MSI2: variants seen among roughly 807,000 people sequenced by gnomAD.
The protein encoded by MSI2 is musashi RNA binding protein 2.
A neutral mutation model predicts 45.6 loss-of-function variants in MSI2; 17 were observed. The observed-to-expected ratio is 0.37, with a 90% CI of 0.26 to 0.56. The LOEUF is 0.56. Ranked by LOEUF, MSI2 falls within the 20% of genes least tolerant of loss-of-function variation. MSI2 has a pLI of 0.77. For missense variants in MSI2, 293 were observed against 444.2 expected (o/e 0.66, Z 3.06); for synonymous variants, 156 against 158.2 (o/e 0.99, Z 0.11).
intron 7 of MSI2, among the ~76,000 whole-genome samples, chr17:57,530,690 C>A (rs1047079088): frequency 6.6e-6 from 1 of 152,118 alleles, no homozygotes; most frequent in African/African-American, 2.4e-5. Context: ...TTAGATGTTT[C>A]CTGTGTTGTT....
chr17:57,377,216 G>A (rs544259821), intron 5 of MSI2, among the ~76,000 whole-genome samples: 38 of 152,268 alleles, frequency 2.5e-4, no homozygotes, highest in Non-Finnish European at 4.9e-4. Context: ...CACCGTGCCC[G>A]GCCCACAAAT....
intron 5 of MSI2, among the ~76,000 whole-genome samples, chr17:57,317,966 T>A (rs577499137): frequency 6.6e-6 from 1 of 152,006 alleles, no homozygotes; most frequent in Non-Finnish European, 1.5e-5. Context: ...CTGGCCAACA[T>A]GGTGAAACCC....
intron 5 of MSI2, among the ~76,000 whole-genome samples, chr17:57,329,562 CTG>C (rs1201971579): frequency 6.6e-6 from 1 of 152,100 alleles, no homozygotes; most frequent in Non-Finnish European, 1.5e-5. Flanking sequence ...TAGGATGTAA[CTG>C]TGGGTGTTTG....
intron 5 of MSI2, among the ~76,000 whole-genome samples, chr17:57,399,598 C>T (rs1446873255): frequency 2.7e-5 from 4 of 150,882 alleles, no homozygotes; most frequent in African/African-American, 7.3e-5. Flanking sequence ...CTGGAGTCTA[C>T]GAGCTCCAAG....
intron 7 of MSI2, among the ~76,000 whole-genome samples, chr17:57,575,147 T>TCCCCCCCACCCC (rs371180511): frequency 8.4e-6 from 1 of 119,544 alleles, no homozygotes; most frequent in African/African-American, 3.6e-5. Flanking sequence ...CTTTTTTAAC[T>TCCCCCCCACCCC]CCCTCCCCCC....
intron 7 of MSI2, among the ~76,000 whole-genome samples, chr17:57,591,447 G>A (rs1350698514): frequency 6.6e-6 from 1 of 152,240 alleles, no homozygotes; most frequent in African/African-American, 2.4e-5. Flanking sequence ...ATATAAGCCG[G>A]TGTGGTGGCT....
chr17:57,561,033 C>T (rs1390613908), intron 7 of MSI2, among the ~76,000 whole-genome samples: 1 of 152,256 alleles, frequency 6.6e-6, no homozygotes, highest in African/African-American at 2.4e-5. Flanking sequence ...GCCCATCTAG[C>T]TGATGAAGCA....
At chr17:57,512,547 C>T (rs1051974725) in intron 6 of MSI2, among the ~76,000 whole-genome samples, 1 of 152,162 alleles carries the variant, frequency 6.6e-6, no homozygotes, top group African/African-American at 2.4e-5. Context: ...GAGTTAATTT[C>T]CTCGTTGAAC....
At chr17:57,535,854 T>A (rs1203758966) in intron 7 of MSI2, among the ~76,000 whole-genome samples, 2 of 152,200 alleles carry the variant, frequency 1.3e-5, no homozygotes, top group African/African-American at 4.8e-5. Flanking sequence ...AAGTTTAAGG[T>A]CTTTGTAATT....
chr17:57,571,530 C>T (rs747444271), intron 7 of MSI2, among the ~76,000 whole-genome samples: 10 of 152,230 alleles, frequency 6.6e-5, no homozygotes, highest in Non-Finnish European at 1.3e-4. Context: ...ATATTCTCCT[C>T]TGGTTCTTGT....
At chr17:57,421,315 A>G (rs1384618693) in intron 6 of MSI2, among the ~76,000 whole-genome samples, 1 of 152,070 alleles carries the variant, frequency 6.6e-6, no homozygotes, top group Non-Finnish European at 1.5e-5. Context: ...GATTACTTTG[A>G]CGGAGTATCT....
intron 12 of MSI2, among the ~76,000 whole-genome samples, chr17:57,675,899 T>G (rs569448856): frequency 2.0e-5 from 3 of 152,226 alleles, no homozygotes; most frequent in African/African-American, 7.2e-5. Flanking sequence ...TCAGATTGTG[T>G]TGTTCTTCTC....
chr17:57,488,483 G>C (rs906040978), intron 6 of MSI2, among the ~76,000 whole-genome samples: 2 of 152,096 alleles, frequency 1.3e-5, no homozygotes, highest in African/African-American at 4.8e-5. Flanking sequence ...AGGTCCAGTG[G>C]TGAGTACCTC....
intron 5 of MSI2, among the ~76,000 whole-genome samples, chr17:57,287,971 G>T (rs538847732): frequency 1.3e-5 from 2 of 152,306 alleles, no homozygotes; most frequent in Non-Finnish European, 2.9e-5. Context: ...AGCAGGAGGA[G>T]CTCCAGGAGG....
At chr17:57,593,161 C>CA (rs1310518663) in intron 7 of MSI2, among the ~76,000 whole-genome samples, 34 of 152,314 alleles carry the variant, frequency 2.2e-4, no homozygotes, top group African/African-American at 2.4e-5. Context: ...CTCCTGCCTT[C>CA]AGTCCAGAGC....
chr17:57,600,641 C>T (rs1443302119), intron 8 of MSI2, among the ~76,000 whole-genome samples: 2 of 152,160 alleles, frequency 1.3e-5, no homozygotes, highest in African/African-American at 4.8e-5. Context: ...ATTCTACTCA[C>T]AGGGGACCAG....
intron 6 of MSI2, among the ~76,000 whole-genome samples, chr17:57,517,047 G>A (rs1346639324): frequency 6.6e-6 from 1 of 152,182 alleles, no homozygotes; most frequent in African/African-American, 2.4e-5. Flanking sequence ...CTTGAAGTTT[G>A]TTCTCAGCAG....
chr17:57,302,767 C>A (rs1267980953), intron 5 of MSI2, among the ~76,000 whole-genome samples: 1 of 152,188 alleles, frequency 6.6e-6, no homozygotes, highest in Non-Finnish European at 1.5e-5. Flanking sequence ...AAATCCACAT[C>A]CTCTTTTGAG....
intron 5 of MSI2, among the ~76,000 whole-genome samples, chr17:57,361,496 A>G (rs1916809500): frequency 6.6e-6 from 1 of 151,702 alleles, no homozygotes; most frequent in South Asian, 2.1e-4. Context: ...AGTCCCAGCT[A>G]CTCAGGATAC....
Sources: allele counts gnomAD v4.1 joint callset (sites outside exome capture counted in the v4.1 genomes callset), GRCh38; gene constraint gnomAD v4.1.1; transcripts MANE v1.5; gene names NCBI Gene and HGNC (gene_info 2026-07-23, HGNC 2026-07-21).